The following DDX1 variants were observed in gnomAD, a reference collection of about 807,000 sequenced individuals.
The protein encoded by DDX1 is DEAD-box helicase 1.
Under a neutral mutation model 108.7 loss-of-function variants are expected in DDX1, and 28 were observed. The observed-to-expected ratio is 0.26, with a 90% confidence interval of 0.19 to 0.35. DDX1 has a LOEUF of 0.35. Ranked by LOEUF, DDX1 falls within the 10% of genes least tolerant of loss-of-function variation. The pLI, the probability that DDX1 is intolerant of heterozygous loss-of-function variation, is 1.00. For synonymous variants in DDX1, 295 were observed against 288.9 expected (o/e 1.02, Z -0.21); for missense variants, 710 against 884.5 (o/e 0.80, Z 2.50).
intron 14 of DDX1, among the ~76,000 whole-genome samples, chr2:15,615,520 A>G (rs1213084592): frequency 6.8e-6 from 1 of 146,054 alleles, no homozygotes; most frequent in Non-Finnish European, 1.5e-5. Flanking sequence ...TTATCTTCAC[A>G]TTTTCAGACA....
At chr2:15,611,818 C>T (rs1449261029) in intron 13 of DDX1, among the ~76,000 whole-genome samples, 2 of 91,286 alleles carry the variant, frequency 2.2e-5, no homozygotes, top group Admixed American at 9.7e-5. Context: ...CCGGACGGGG[C>T]GGCTGGCCGG....
chr2:15,616,774 T>A (rs1158112490), intron 14 of DDX1, among the ~76,000 whole-genome samples: 3 of 152,236 alleles, frequency 2.0e-5, no homozygotes, highest in Non-Finnish European at 4.4e-5. Flanking sequence ...CCTGGGACAC[T>A]CTGCGTCTAG....
At chr2:15,630,192 A>G (rs1666170241) in intron 25 of DDX1, 82 bp downstream of exon 25, 1 of 1,363,358 alleles carries the variant, frequency 7.3e-7, no homozygotes, top group East Asian at 2.3e-5. Flanking sequence ...CAGTACTTTC[A>G]TTTCATTAGG....
At position 15,599,608 on chromosome 2, in the gene DDX1, C is replaced by T. The variant is rs13389750; in HGVS notation, c.260-61C>T. 3,139 of 1,366,032 alleles carry T rather than the reference C, an allele frequency of 2.3e-3. 52 individuals are homozygous for T. In the African/African-American group the frequency reaches 0.03, roughly 13 times the overall value. The allele number at this position is 1,366,032 out of a possible 1,614,324, so 84.6% of individuals were successfully genotyped here. The stretch of plus-strand genomic sequence containing the variant: ...GATTACAGTCGTGAGTCACCGCACC[C>T]GGCCAAGCATTTTAAATTTTATATA... On this transcript the variant is annotated intron_variant, in intron 5 of 25. Coordinates refer to ENST00000233084, the MANE Select transcript of DDX1 (RefSeq NM_004939.3).
At chr2:15,622,635 G>T (rs1258589632) in intron 18 of DDX1, among the ~76,000 whole-genome samples, 1 of 152,182 alleles carries the variant, frequency 6.6e-6, no homozygotes, top group Non-Finnish European at 1.5e-5. Context: ...TTATATGTAG[G>T]TCTAAATTAA....
In DDX1 at chr2:15,618,175, A is replaced by T. The variant is rs774459783; in HGVS notation, c.1117-6A>T. 2.6e-6 allele frequency: 4 copies of T among 1,533,064 alleles called. No individual in the cohort carries two copies. The highest frequency in any genetic ancestry group is 1.2e-5 in the South Asian group (1 of 83,262). The allele number at this position is 1,533,064 out of a possible 1,614,324, so 95.0% of individuals were successfully genotyped here. ...AAACTTAATTTATTCTTTGTTTCTC[A>T]TGCAGGATGGGCTTCTTTCTCAAGG... On this transcript the variant is annotated splice_region_variant and splice_polypyrimidine_tract_variant and intron_variant, in intron 15 of 25. Transcript: ENST00000233084.
intron 13 of DDX1, among the ~76,000 whole-genome samples, chr2:15,610,686 G>A (rs1665736304): frequency 1.3e-5 from 2 of 152,126 alleles, no homozygotes; most frequent in African/African-American, 4.8e-5. Flanking sequence ...TGAAAACATA[G>A]ATTGAAACCA....
intron 1 of DDX1, among the ~76,000 whole-genome samples, chr2:15,593,283 A>G (rs879437104): frequency 3.9e-5 from 6 of 152,110 alleles, no homozygotes; most frequent in African/African-American, 1.2e-4. Context: ...TCTTTTCCCA[A>G]CATTCTCCTA....
chr2:15,612,036 G>A (rs1159710657), intron 13 of DDX1, among the ~76,000 whole-genome samples: 2 of 142,416 alleles, frequency 1.4e-5, no homozygotes, highest in Non-Finnish European at 3.1e-5. Flanking sequence ...CAGTAGGGGC[G>A]GCTGGGTAGA....
At chr2:15,611,957 C>T (rs1019370678) in intron 13 of DDX1, among the ~76,000 whole-genome samples, 4 of 125,718 alleles carry the variant, frequency 3.2e-5, no homozygotes, top group East Asian at 2.6e-4. Flanking sequence ...GCTGGCCGGG[C>T]GGGGGGCTGA....
intron 18 of DDX1, among the ~76,000 whole-genome samples, chr2:15,621,677 C>T (rs527659261): frequency 5.3e-5 from 8 of 151,178 alleles, no homozygotes; most frequent in South Asian, 4.2e-4. Flanking sequence ...TTTTGAGACA[C>T]GGTCTCACTC....
intron 24 of DDX1, 45 bp downstream of exon 24, chr2:15,629,742 G>C: frequency 7.2e-7 from 1 of 1,388,090 alleles, no homozygotes; most frequent in Non-Finnish European, 9.8e-7. Context: ...TAAAATGGTA[G>C]AATAGAAAGC....
intron 14 of DDX1, among the ~76,000 whole-genome samples, chr2:15,614,966 G>T (rs1016760080): frequency 6.6e-6 from 1 of 152,184 alleles, no homozygotes; most frequent in Non-Finnish European, 1.5e-5. Flanking sequence ...TCATCAGGAT[G>T]TCTCAAAATT....
chr2:15,592,588 C>T (rs894867524), intron 1 of DDX1, among the ~76,000 whole-genome samples: 8 of 152,190 alleles, frequency 5.3e-5, no homozygotes, highest in African/African-American at 1.9e-4. Context: ...TTGCCGTCTG[C>T]TACCCTCCTT....
Position 15,606,336 on chromosome 2 carries a change from G to A in DDX1, c.817+72G>A, listed in dbSNP as rs190776265. On this transcript the variant is annotated intron_variant, in intron 12 of 25. Coordinates refer to ENST00000233084, the MANE Select transcript of DDX1 (RefSeq NM_004939.3). ...TGATGAGAACTCCAGTAAGTAAGGC[G>A]TCTCATAGTGAGTTACATATACTTT... 1,130 of 1,047,528 alleles carry A rather than the reference G, an allele frequency of 1.1e-3. 4 individuals are homozygous for A. The highest frequency in any genetic ancestry group is 1.4e-3 in the Non-Finnish European group (974 of 692,598). The allele number at this position is 1,047,528 out of a possible 1,614,324, so 64.9% of individuals were successfully genotyped here.
Position 15,595,444 on chromosome 2 carries a change from A to AT in DDX1, c.69-39dup, listed in dbSNP as rs756281431. The AT allele has an allele frequency of 1.8e-5, 27 of 1,524,420 alleles. No individual in the cohort carries two copies. The East Asian group carries it at 5.2e-4, about 29-fold the overall frequency. The allele number at this position is 1,524,420 out of a possible 1,614,324, so 94.4% of individuals were successfully genotyped here. On this transcript the variant is annotated intron_variant, in intron 2 of 25. Coordinates refer to ENST00000233084, the MANE Select transcript of DDX1 (RefSeq NM_004939.3). The stretch of plus-strand genomic sequence containing the variant: ...TAACGTGACTTAATTTGCTTAGGCG[A>AT]TTTTTTTCCCCAGTAACTAAAATTC...
intron 25 of DDX1, 75 bp downstream of exon 25, chr2:15,630,185 T>A (rs1558460933): frequency 7.0e-7 from 1 of 1,418,540 alleles, no homozygotes; most frequent in East Asian, 2.3e-5. Flanking sequence ...GGGAAGGCAG[T>A]ACTTTCATTT....
At chr2:15,624,059 C>T (rs1365753303) in intron 19 of DDX1, among the ~76,000 whole-genome samples, 2 of 152,090 alleles carry the variant, frequency 1.3e-5, no homozygotes, top group Non-Finnish European at 2.9e-5. Flanking sequence ...CTGTAAGTAT[C>T]AGTGGACACG....
chr2:15,609,402 G>C (rs530260697), intron 13 of DDX1, among the ~76,000 whole-genome samples: 1 of 152,238 alleles, frequency 6.6e-6, no homozygotes, highest in Non-Finnish European at 1.5e-5. Context: ...TAAGCTGGCT[G>C]TCCCAGCCCA....
Sources: allele counts gnomAD v4.1 joint callset (sites outside exome capture counted in the v4.1 genomes callset), GRCh38; gene constraint gnomAD v4.1.1; transcripts MANE v1.5; gene names NCBI Gene and HGNC (gene_info 2026-07-23, HGNC 2026-07-21).